The following HABP2 variants were observed in gnomAD, a reference collection of about 807,000 sequenced individuals.
The protein encoded by HABP2 is hyaluronan binding protein 2.
HABP2 carries 65 observed loss-of-function variants against 66.5 expected under a neutral mutation model. That is an observed-to-expected ratio of 0.98 (90% CI 0.80 to 1.20). The LOEUF (loss-of-function observed/expected upper bound fraction) is 1.20. Among genes scored for constraint, HABP2 ranks in the 50% most tolerant of loss-of-function variants. The pLI is 0.00. For missense variants in HABP2, 786 were observed against 691.0 expected (o/e 1.14, Z -1.54); for synonymous variants, 263 against 253.9 (o/e 1.04, Z -0.34).
At position 113,583,352 on chromosome 10, in the gene HABP2, G is replaced by A; in HGVS notation, c.1231G>A (p.Asp411Asn). Residue 411 changes from aspartate to asparagine, a missense_variant, in exon 10 of 13, where the codon GAT (aspartate) becomes AAT (asparagine). Asp to Asn is a conservative substitution (Grantham distance 23, BLOSUM62 1). Coordinates refer to ENST00000351270, the MANE Select transcript of HABP2 (RefSeq NM_004132.5). ...YNERDEIPHN[D>N]IALLKLKPVD... is the part of the protein sequence containing the mutation. ...TGAAAGAGATGAGATTCCCCACAATGATATTGGCAAGTTCCTCTTTCATGG... is the reference window on the plus strand; with the variant it reads ...TGAAAGAGATGAGATTCCCCACAATAATATTGGCAAGTTCCTCTTTCATGG... 1 of 1,612,990 alleles carries A rather than the reference G, an allele frequency of 6.2e-7. No individual in the cohort carries two copies. The highest frequency in any genetic ancestry group is 8.5e-7 in the Non-Finnish European group (1 of 1,178,964).
chr10:113,553,485 T>G (rs1198482092), intron 1 of HABP2, among the ~76,000 whole-genome samples: 1 of 152,250 alleles, frequency 6.6e-6, no homozygotes, highest in Admixed American at 6.5e-5. Context: ...TAATCTGTCA[T>G]GGATCTCATA....
At chr10:113,579,324 A>G (rs1397180681) in intron 7 of HABP2, among the ~76,000 whole-genome samples, 2 of 152,074 alleles carry the variant, frequency 1.3e-5, no homozygotes, top group African/African-American at 4.8e-5. Context: ...GGTGGTGATG[A>G]TGGCAGGGGA....
In HABP2 at chr10:113,573,917, TAG is replaced by T. The variant is rs1463462222; in HGVS notation, c.107-370_107-369del. Reference sequence around the variant, plus strand: ...CGGGCAGACCCCATGTAGGACCCTGTAGACGTGCTAGGTCCCAATCCTCTTCC... The same window carrying T: ...CGGGCAGACCCCATGTAGGACCCTGTACGTGCTAGGTCCCAATCCTCTTCC... On this transcript the variant is annotated intron_variant, in intron 2 of 12. Transcript: ENST00000351270. Among the ~76,000 whole-genome samples, 3 of 152,316 alleles carry T rather than the reference TAG, an allele frequency of 2.0e-5. No homozygotes were observed. In the East Asian group the frequency reaches 5.8e-4, roughly 29 times the overall value.
At chr10:113,575,810 G>C (rs559161078) in intron 3 of HABP2, 87 bp from the exon 4 acceptor site, 33 of 741,378 alleles carry the variant, frequency 4.5e-5, no homozygotes, top group South Asian at 3.8e-4. Flanking sequence ...TTTGGGGCAG[G>C]AGACTGAAAT....
At chr10:113,562,819 C>G (rs1845124744) in intron 1 of HABP2, among the ~76,000 whole-genome samples, 1 of 152,206 alleles carries the variant, frequency 6.6e-6, no homozygotes, top group African/African-American at 2.4e-5. Context: ...ACCTGCCTCT[C>G]AAGGTTAATG....
At chr10:113,567,220 G>A (rs1422286751) in intron 1 of HABP2, among the ~76,000 whole-genome samples, 1 of 152,202 alleles carries the variant, frequency 6.6e-6, no homozygotes, top group Non-Finnish European at 1.5e-5. Flanking sequence ...GTGTTCCAAA[G>A]CAAGGACAGG....
At chr10:113,568,144 G>A (rs989564740) in intron 2 of HABP2, among the ~76,000 whole-genome samples, 6 of 152,224 alleles carry the variant, frequency 3.9e-5, no homozygotes, top group Admixed American at 6.5e-5. Context: ...CACAGCGTGC[G>A]CAAGCTAAGC....
At chr10:113,554,299 A>G (rs1844952099) in intron 1 of HABP2, among the ~76,000 whole-genome samples, 1 of 152,202 alleles carries the variant, frequency 6.6e-6, no homozygotes, top group Non-Finnish European at 1.5e-5. Flanking sequence ...AATAACAGTC[A>G]TAACCTCTCT....
chr10:113,572,287 A>G (rs1161933677), intron 2 of HABP2, among the ~76,000 whole-genome samples: 1 of 152,262 alleles, frequency 6.6e-6, no homozygotes, highest in Non-Finnish European at 1.5e-5. Flanking sequence ...ATCCTCTAAC[A>G]GACATTTCAT....
At chr10:113,570,555 C>G (rs1379832361) in intron 2 of HABP2, among the ~76,000 whole-genome samples, 3 of 152,208 alleles carry the variant, frequency 2.0e-5, no homozygotes, top group African/African-American at 7.2e-5. Flanking sequence ...TACAATCTAC[C>G]AGTGGAACCA....
chr10:113,584,249 T>G lies in HABP2; in HGVS notation c.1339T>G (p.Cys447Gly), dbSNP rs1475341899. 1 of 1,613,774 alleles carries G rather than the reference T, an allele frequency of 6.2e-7. No individual in the cohort carries two copies. The highest frequency in any genetic ancestry group is 1.3e-5 in the African/African-American group (1 of 74,896). ...TGGGTCCTTTCCCTCTGGGAGTGAG[T>G]GCCACATCTCTGGCTGGGGTGTTAC... ...PDGSFPSGSE[C>G]HISGWGVTET... is the part of the protein sequence containing the mutation. The change falls in exon 11 of 13, where the codon TGC (cysteine) becomes GGC (glycine). Residue 447 changes from cysteine to glycine, a missense_variant. Coordinates refer to ENST00000351270, the MANE Select transcript of HABP2 (RefSeq NM_004132.5).
At chr10:113,565,158 A>G (rs997937633) in intron 1 of HABP2, among the ~76,000 whole-genome samples, 2 of 152,228 alleles carry the variant, frequency 1.3e-5, no homozygotes, top group Non-Finnish European at 2.9e-5. Flanking sequence ...TCTCTTAAGA[A>G]TAAGTACATT....
chr10:113,568,768 C>T (rs1198141269), intron 2 of HABP2, among the ~76,000 whole-genome samples: 1 of 152,152 alleles, frequency 6.6e-6, no homozygotes, highest in African/African-American at 2.4e-5. Context: ...TGAAGGGGAT[C>T]CCTGGGTCTG....
Position 113,589,029 on chromosome 10 carries a change from G to T in HABP2, c.*660G>T. ...CGTGCAGAATCTCAGTGGCATCTGG[G>T]TTCACCTCCCCACTCTGATGATCTC... On this transcript the variant is annotated 3_prime_UTR_variant, in exon 13 of 13. Coordinates refer to ENST00000351270, the MANE Select transcript of HABP2 (RefSeq NM_004132.5). The T allele has an allele frequency of 6.2e-7, 1 of 1,613,956 alleles. No homozygotes were observed. The highest frequency in any genetic ancestry group is 8.5e-7 in the Non-Finnish European group (1 of 1,179,978).
At position 113,583,326 on chromosome 10, in the gene HABP2, A is replaced by G. The variant is rs745708955; in HGVS notation, c.1205A>G (p.Asn402Ser). 6 of 1,612,696 alleles carry G rather than the reference A, an allele frequency of 3.7e-6. No homozygotes were observed. In the East Asian group the frequency reaches 8.9e-5, roughly 24 times the overall value. The change falls in exon 10 of 13, where the codon AAT becomes AGT. Residue 402 changes from asparagine (N) to serine (S), a missense_variant. Physicochemically the swap from Asn to Ser is conservative, Grantham distance 46 (BLOSUM62 1). Coordinates refer to ENST00000351270, the MANE Select transcript of HABP2 (RefSeq NM_004132.5). ...AAGATATTCAAGTACAGCCACTACA[A>G]TGAAAGAGATGAGATTCCCCACAAT... ...VEKIFKYSHY[N>S]ERDEIPHNDI... is the part of the protein sequence containing the mutation.
intron 1 of HABP2, among the ~76,000 whole-genome samples, chr10:113,561,633 T>C (rs925002505): frequency 1.2e-4 from 19 of 152,056 alleles, no homozygotes; most frequent in African/African-American, 3.9e-4. Flanking sequence ...AAGCAGAAGA[T>C]TTCTCTGCTC....
intron 1 of HABP2, among the ~76,000 whole-genome samples, chr10:113,554,285 C>T (rs987499424): frequency 4.6e-5 from 7 of 152,192 alleles, no homozygotes; most frequent in African/African-American, 1.7e-4. Context: ...AGGATAAGAA[C>T]TAAAATAACA....
At position 113,581,114 on chromosome 10, in the gene HABP2, A is replaced by G. The variant is rs149173644; in HGVS notation, c.838+422A>G. Among the ~76,000 whole-genome samples the G allele has an allele frequency of 5.6e-3, 849 of 152,188 alleles. 14 individuals carry two copies. Among genetic ancestry groups the G allele is most frequent in the African/African-American group, 0.019 (798 of 41,512 alleles). On this transcript the variant is annotated intron_variant, in intron 8 of 12. Coordinates refer to ENST00000351270, the MANE Select transcript of HABP2 (RefSeq NM_004132.5). The stretch of plus-strand genomic sequence containing the variant: ...TCTGTCCTGGCCCCGCTCTGTGCCC[A>G]CATCTAGAATGATGTGCCCTTCCAC...
At chr10:113,579,800 T>G (rs1795701875) in intron 7 of HABP2, among the ~76,000 whole-genome samples, 1 of 152,062 alleles carries the variant, frequency 6.6e-6, no homozygotes, top group Non-Finnish European at 1.5e-5. Flanking sequence ...TTTGTTTTTT[T>G]GAGATGGAGT....
Sources: gnomAD v4.1 joint callset for allele counts (sites outside exome capture counted in the v4.1 genomes callset) on GRCh38, gnomAD v4.1.1 for gene constraint, MANE v1.5 for transcripts, NCBI Gene and HGNC (gene_info 2026-07-23, HGNC 2026-07-21) for gene names.